The following PCDH17 variants were observed in gnomAD, a reference collection of about 807,000 sequenced individuals.
The protein encoded by PCDH17 is protocadherin-17.
Under a neutral mutation model 67.7 loss-of-function variants are expected in PCDH17, and 21 were observed. The ratio of observed to expected loss-of-function variants is 0.31; its 90% CI spans 0.22 to 0.45. The LOEUF is 0.45. Among genes scored for constraint, PCDH17 ranks in the 20% least tolerant of loss-of-function variants. The probability of loss-of-function intolerance (pLI) is 1.00; values close to 1 mark genes in which losing one functional copy is unlikely to be tolerated. For synonymous variants in PCDH17, 701 were observed against 656.7 expected, an observed-to-expected ratio of 1.07 and a Z score of -1.03; for missense variants, 1,471 against 1,564.8, an observed-to-expected ratio of 0.94 and a Z score of 1.01.
Position 57,632,891 on chromosome 13 carries a change from C to G in PCDH17, c.345C>G (p.Ile115Met). Residue 115 changes from isoleucine (I) to methionine (M), a missense_variant, in exon 1 of 4, where the codon ATC becomes ATG. Ile to Met is a conservative substitution (Grantham distance 10, BLOSUM62 1). Coordinates refer to ENST00000377918, the MANE Select transcript of PCDH17 (RefSeq NM_001040429.3). ...AGGTGTTCGCCAACGACAAGGAGAT[C>G]TGCATGATCAAGGTAGAGATCCAGG... ...SLEVFANDKE[I>M]CMIKVEIQDI... 1.9e-6 allele frequency: 3 copies of G among 1,614,102 alleles called. No individual in the cohort carries two copies. Among genetic ancestry groups the G allele is most frequent in the Non-Finnish European group, 2.5e-6 (3 of 1,180,030 alleles).
chr13:57,676,031 G>T lies in PCDH17; in HGVS notation c.2797+9198G>T, dbSNP rs565761060. Among the ~76,000 whole-genome samples, 3 of 151,924 alleles carry T rather than the reference G, an allele frequency of 2.0e-5. No individual in the cohort carries two copies. In the South Asian group the frequency reaches 6.2e-4, roughly 31 times the overall value. ...TATTTTACTTGAAATTAGTTTTTGG[G>T]ATAAGAAATTCTAAAGGAAAAAAAT... On this transcript the variant is annotated intron_variant, in intron 3 of 3. Coordinates refer to ENST00000377918, the MANE Select transcript of PCDH17 (RefSeq NM_001040429.3).
chr13:57,686,455 ACT>A (rs1410497113), intron 3 of PCDH17, among the ~76,000 whole-genome samples: 1 of 151,898 alleles, frequency 6.6e-6, no homozygotes, highest in Non-Finnish European at 1.5e-5. Flanking sequence ...TTTTGCAATG[ACT>A]CTACAAACAA....
chr13:57,684,897 AT>A (rs1353731440), intron 3 of PCDH17, among the ~76,000 whole-genome samples: 1 of 151,916 alleles, frequency 6.6e-6, no homozygotes, highest in African/African-American at 2.4e-5. Context: ...ATATGCTATC[AT>A]TTTCTTCTAA....
At position 57,633,426 on chromosome 13, in the gene PCDH17, T is replaced by G. The variant is rs1344642390; in HGVS notation, c.880T>G (p.Phe294Val). 4 of 1,613,504 alleles carry G rather than the reference T, an allele frequency of 2.5e-6. No individual in the cohort carries two copies. Among genetic ancestry groups the G allele is most frequent in the Non-Finnish European group, 1.7e-6 (2 of 1,180,020 alleles). ...SYVPDRVREL[F>V]SIDPKTGLIR... ...CGTGCCTGACCGCGTGCGGGAGCTC[T>G]TCTCCATCGACCCCAAGACCGGCCT... The change falls in exon 1 of 4, where the codon TTC (phenylalanine) becomes GTC (valine). Residue 294 changes from phenylalanine (F) to valine (V), a missense_variant. Around this residue, in one of 3 missense-constraint regions of PCDH17, gnomAD observed 1,163 missense variants for 1,230.0 expected, o/e 0.95. Transcript: ENST00000377918. The surrounding 1 kb of genome is among the most constrained non-coding windows in gnomAD (Gnocchi z 6.2).
Position 57,633,558 on chromosome 13 carries a change from A to G in PCDH17, c.1012A>G (p.Thr338Ala), listed in dbSNP as rs1954763115. Reference sequence around the variant, plus strand: ...CCCTATCCCAGCCCACTGCAAAGTCACGGTCAAGCTCATCGACCGCAACGA... The same window carrying G: ...CCCTATCCCAGCCCACTGCAAAGTCGCGGTCAAGCTCATCGACCGCAACGA... ...PNPIPAHCKVTVKLIDRNDNA... is the reference protein window; with the variant it reads ...PNPIPAHCKVAVKLIDRNDNA... The change falls in exon 1 of 4, where the codon ACG becomes GCG. Residue 338 changes from threonine to alanine, a missense_variant. Thr to Ala is a moderately conservative substitution (Grantham distance 58). Transcript: ENST00000377918. The surrounding 1 kb of genome is among the most constrained non-coding windows in gnomAD (Gnocchi z 6.2). 1.9e-6 allele frequency: 3 copies of G among 1,613,724 alleles called. No homozygotes were observed. Among genetic ancestry groups the G allele is most frequent in the Non-Finnish European group, 1.7e-6 (2 of 1,180,024 alleles).
rs769393371 is a variant in PCDH17, at chr13:57,725,286, A to G, written c.3472A>G (p.Arg1158Gly). 1.3e-6 allele frequency: 2 copies of G among 1,556,342 alleles called. No homozygotes were observed. The highest frequency in any genetic ancestry group is 4.0e-5 in the Admixed American group (2 of 49,882). The change falls in exon 4 of 4, where the codon AGA becomes GGA. Residue 1158 changes from arginine (R) to glycine (G), a missense_variant. By Grantham distance (125) the Arg-to-Gly change is moderately radical (BLOSUM62 -2). Around this residue, in one of 3 missense-constraint regions of PCDH17, gnomAD observed 297 missense variants for 298.6 expected, o/e 0.99. Coordinates refer to ENST00000377918, the MANE Select transcript of PCDH17 (RefSeq NM_001040429.3). The part of the protein sequence containing the change: ...DCRGNDPVAV[R>G]K ...CCGGGGAAACGACCCTGTGGCTGTGAGAAAGTGAAAAAAGAAAAAAAAAAA... is the reference window on the plus strand; with the variant it reads ...CCGGGGAAACGACCCTGTGGCTGTGGGAAAGTGAAAAAAGAAAAAAAAAAA...
intron 1 of PCDH17, among the ~76,000 whole-genome samples, chr13:57,647,077 T>C (rs1402778332): frequency 1.3e-5 from 2 of 151,810 alleles, no homozygotes; most frequent in Non-Finnish European, 1.5e-5. Flanking sequence ...CTATCGTACA[T>C]GCTTTCTTTT....
intron 1 of PCDH17, among the ~76,000 whole-genome samples, chr13:57,649,612 G>C (rs1955011086): frequency 6.6e-6 from 1 of 152,108 alleles, no homozygotes; most frequent in African/African-American, 2.4e-5. Flanking sequence ...GCACTCATCT[G>C]TTTTTTAATG....
rs1318854792 is a variant in PCDH17, at chr13:57,634,716, A to G, written c.2170A>G (p.Ile724Val). ...TISIILLAAM[I>V]TIAVKCKREN... ...CTCCATCATCCTCCTAGCGGCCATGATCACCATCGCCGTCAAGTGCAAGCG... is the reference window on the plus strand; with the variant it reads ...CTCCATCATCCTCCTAGCGGCCATGGTCACCATCGCCGTCAAGTGCAAGCG... Residue 724 changes from isoleucine to valine, a missense_variant, in exon 1 of 4, where the codon ATC (isoleucine) becomes GTC (valine). Transcript: ENST00000377918. The surrounding 1 kb of genome is among the most constrained non-coding windows in gnomAD (Gnocchi z 7.8). 6.2e-7 allele frequency: 1 copy of G among 1,613,696 alleles called. No individual in the cohort carries two copies. The highest frequency in any genetic ancestry group is 2.2e-5 in the East Asian group (1 of 44,846).
chr13:57,719,797 A>C (rs571787805), intron 3 of PCDH17, among the ~76,000 whole-genome samples: 1 of 152,142 alleles, frequency 6.6e-6, no homozygotes, highest in South Asian at 2.1e-4. Flanking sequence ...CAGAATCAGA[A>C]TCCACAAGTG....
At chr13:57,692,044 A>T (rs545913885) in intron 3 of PCDH17, among the ~76,000 whole-genome samples, 2 of 151,268 alleles carry the variant, frequency 1.3e-5, no homozygotes, top group Admixed American at 1.3e-4. Flanking sequence ...TAAAATGCTT[A>T]TAAAATCAGG....
intron 3 of PCDH17, among the ~76,000 whole-genome samples, chr13:57,722,067 T>C (rs1352549078): frequency 6.6e-6 from 1 of 152,132 alleles, no homozygotes; most frequent in Admixed American, 6.6e-5. Flanking sequence ...CAGCTTGTAA[T>C]GTATCATAAT....
chr13:57,666,859 A>C (rs747226256), intron 3 of PCDH17, 26 bp downstream of exon 3: 1 of 1,571,300 alleles, frequency 6.4e-7, no homozygotes, highest in Non-Finnish European at 8.7e-7. Flanking sequence ...CAATGCTTAC[A>C]AAGTGTAAAG....
chr13:57,645,565 A>T (rs1383054706), intron 1 of PCDH17, among the ~76,000 whole-genome samples: 1 of 151,494 alleles, frequency 6.6e-6, no homozygotes, highest in East Asian at 1.9e-4. Context: ...TTTTGTAATT[A>T]TTGCTATGAA....
At chr13:57,651,105 C>A (rs757533985) in intron 1 of PCDH17, among the ~76,000 whole-genome samples, 2 of 152,132 alleles carry the variant, frequency 1.3e-5, no homozygotes, top group Non-Finnish European at 2.9e-5. Flanking sequence ...TCTCTTTCTA[C>A]TTCTTCATGC....
At chr13:57,651,765 G>A (rs1163733504) in intron 1 of PCDH17, among the ~76,000 whole-genome samples, 2 of 151,954 alleles carry the variant, frequency 1.3e-5, no homozygotes, top group East Asian at 1.9e-4. Context: ...CTATAGGGCC[G>A]TTGTAAGAAT....
rs1955148673 is a variant in PCDH17 at position 57,659,062 on chromosome 13, G to A, written c.2566-7406G>A. 2.0e-5 allele frequency among the ~76,000 whole-genome samples: 3 copies of A among 151,178 alleles called. No homozygotes were observed. The South Asian group carries it at 6.3e-4, about 32-fold the overall frequency. The stretch of plus-strand genomic sequence containing the variant: ...ATATCTCATGACTCTATCTATAATG[G>A]GTAGCATAATATTGGCTAATTAGCA... On this transcript the variant is annotated intron_variant, in intron 1 of 3. Coordinates refer to ENST00000377918, the MANE Select transcript of PCDH17 (RefSeq NM_001040429.3).
chr13:57,653,067 G>A (rs1457840452), intron 1 of PCDH17, among the ~76,000 whole-genome samples: 1 of 152,108 alleles, frequency 6.6e-6, no homozygotes, highest in Admixed American at 6.6e-5. Flanking sequence ...TTTGTCTTGT[G>A]TAGTAAAAGT....
At chr13:57,663,527 T>A (rs1955210272) in intron 1 of PCDH17, among the ~76,000 whole-genome samples, 1 of 152,158 alleles carries the variant, frequency 6.6e-6, no homozygotes, top group South Asian at 2.1e-4. Context: ...TACTGTTATT[T>A]TATATTCAGA....
Sources: gnomAD v4.1 joint callset for allele counts (sites outside exome capture counted in the v4.1 genomes callset) on GRCh38, gnomAD v4.1.1 for gene constraint, gnomAD v4.1.1 regional missense constraint, Gnocchi (gnomAD v3.1) non-coding constraint, MANE v1.5 for transcripts, NCBI Gene and HGNC (gene_info 2026-07-23, HGNC 2026-07-21) for gene names.